XKR9: variants seen among roughly 807,000 people sequenced by gnomAD.
XKR9 encodes XK related 9.
In XKR9, 32 loss-of-function variants were observed where a neutral mutation model predicts 32.0. That is an observed-to-expected ratio of 1.00 (90% CI 0.76 to 1.34). XKR9 has a LOEUF of 1.34. XKR9 is among the 40% of genes most tolerant of loss of function. The probability of loss-of-function intolerance (pLI) is 0.00; values close to 1 mark genes in which losing one functional copy is unlikely to be tolerated. For missense variants in XKR9, 546 were observed against 429.7 expected, an observed-to-expected ratio of 1.27 and a Z score of -2.39; for synonymous variants, 168 against 143.4, an observed-to-expected ratio of 1.17 and a Z score of -1.22.
At chr8:70,679,832 G>A (rs566309553) in intron 2 of XKR9, among the ~76,000 whole-genome samples, 2 of 152,024 alleles carry the variant, frequency 1.3e-5, no homozygotes, top group East Asian at 3.8e-4. Context: ...AAATTGGGGC[G>A]TTTTATATAC....
At chr8:71,026,391 C>T in the XKR9 span, among the ~76,000 whole-genome samples, 1 of 152,118 alleles carries the variant, frequency 6.6e-6, no homozygotes, top group Non-Finnish European at 1.5e-5. Context: ...ACAAAATTAT[C>T]GAGCATCTAC....
the XKR9 span, among the ~76,000 whole-genome samples, chr8:70,876,606 A>G: frequency 1.2e-4 from 18 of 152,314 alleles, no homozygotes; most frequent in African/African-American, 4.1e-4. Flanking sequence ...AAAAGAAATA[A>G]ATCCATAACT....
chr8:70,755,958 A>C (rs1206296931), intron 2 of XKR9, among the ~76,000 whole-genome samples: 1 of 152,182 alleles, frequency 6.6e-6, no homozygotes, highest in Non-Finnish European at 1.5e-5. Context: ...AAAAGGTCAT[A>C]AAGATTTGCT....
the XKR9 span, among the ~76,000 whole-genome samples, chr8:70,882,638 G>A: frequency 1.3e-4 from 19 of 151,978 alleles, no homozygotes; most frequent in Non-Finnish European, 5.9e-5. Flanking sequence ...GGAAAACTGC[G>A]TAGAAGGTAC....
At chr8:70,771,213 C>T (rs1055010686) in intron 2 of XKR9, among the ~76,000 whole-genome samples, 1 of 152,190 alleles carries the variant, frequency 6.6e-6, no homozygotes, top group Non-Finnish European at 1.5e-5. Flanking sequence ...ACACCCCACC[C>T]TGCTTCAGCT....
At chr8:70,800,492 G>A in the XKR9 span, among the ~76,000 whole-genome samples, 2 of 151,844 alleles carry the variant, frequency 1.3e-5, no homozygotes, top group Non-Finnish European at 2.9e-5. Context: ...ATCTGCTATG[G>A]GCATTTATTT....
chr8:70,863,171 G>C, the XKR9 span, among the ~76,000 whole-genome samples: 1 of 152,150 alleles, frequency 6.6e-6, no homozygotes, highest in Non-Finnish European at 1.5e-5. Context: ...GATGTTGAGA[G>C]AATCTCAGGC....
chr8:70,903,101 T>A, the XKR9 span, among the ~76,000 whole-genome samples: 1 of 152,158 alleles, frequency 6.6e-6, no homozygotes, highest in Non-Finnish European at 1.5e-5. Flanking sequence ...TAAAATTCTT[T>A]TTTTTTTGTT....
In XKR9 at chr8:70,772,882, T is replaced by G. The variant is rs138065966; in HGVS notation, n.353-16457T>G. On this transcript the variant is annotated intron_variant and non_coding_transcript_variant, in intron 2 of 3. Coordinates refer to the XKR9 transcript ENST00000520273. ...AAAGGGGAGTGTTTGGTATAAAAGT[T>G]TATAGAGTTTTAATGGCAAGGATAA... 3.8e-3 allele frequency among the ~76,000 whole-genome samples: 578 copies of G among 152,248 alleles called. 3 individuals carry two copies. Among genetic ancestry groups the G allele is most frequent in the Non-Finnish European group, 6.6e-3 (447 of 68,000 alleles).
the XKR9 span, among the ~76,000 whole-genome samples, chr8:70,844,926 G>T: frequency 6.6e-6 from 1 of 152,164 alleles, no homozygotes; most frequent in African/African-American, 2.4e-5. Context: ...CTACCTACCT[G>T]CCCTATGGCT....
At chr8:70,986,447 C>T in the XKR9 span, among the ~76,000 whole-genome samples, 79,064 of 152,018 alleles carry the variant, frequency 0.52, 21,582 homozygotes, top group Middle Eastern at 0.61. Context: ...CTTCTGTGTA[C>T]TAGATGTGTT....
chr8:70,879,346 T>TA, the XKR9 span, among the ~76,000 whole-genome samples: 513 of 151,436 alleles, frequency 3.4e-3, 1 homozygote, highest in African/African-American at 0.011. Flanking sequence ...AAAATCCCTT[T>TA]AAAAAAAACA....
chr8:70,708,506 G>A (rs201408445), intron 4 of XKR9, among the ~76,000 whole-genome samples: 1 of 152,118 alleles, frequency 6.6e-6, no homozygotes, highest in Non-Finnish European at 1.5e-5. Context: ...GGAACATTAT[G>A]TAGCCACTAG....
downstream of XKR9, among the ~76,000 whole-genome samples, chr8:70,740,201 G>A (rs898303425): frequency 2.8e-4 from 43 of 151,854 alleles, no homozygotes; most frequent in East Asian, 5.8e-4. Flanking sequence ...TTCCCTTCTC[G>A]CTTCATTTCA....
the XKR9 span, among the ~76,000 whole-genome samples, chr8:70,875,645 C>T: frequency 6.6e-6 from 1 of 152,226 alleles, no homozygotes; most frequent in South Asian, 2.1e-4. Flanking sequence ...AACAATAGAA[C>T]AGGATGAAAG....
the XKR9 span, among the ~76,000 whole-genome samples, chr8:70,825,667 A>G: frequency 6.6e-6 from 1 of 152,146 alleles, no homozygotes; most frequent in African/African-American, 2.4e-5. Context: ...ACTTGAGGCC[A>G]GTCACTTCTA....
Position 70,709,058 on chromosome 8 carries a change from A to G in XKR9, c.493+1905A>G, listed in dbSNP as rs182047386. Among the ~76,000 whole-genome samples, 451 of 152,286 alleles carry G rather than the reference A, an allele frequency of 3.0e-3. 1 individual carries two copies. Among genetic ancestry groups the G allele is most frequent in the African/African-American group, 0.01 (429 of 41,578 alleles). ...GCACAAAAATCCTCAACAAAATACT[A>G]TCAAATGAAATCCAGCAGCACATCA... On this transcript the variant is annotated intron_variant, in intron 4 of 4. Coordinates refer to ENST00000408926, the MANE Select transcript of XKR9 (RefSeq NM_001011720.2).
the XKR9 span, among the ~76,000 whole-genome samples, chr8:71,033,317 G>A: frequency 1.3e-5 from 2 of 152,130 alleles, no homozygotes; most frequent in African/African-American, 4.8e-5. Flanking sequence ...ATATTACCTT[G>A]TAGGGCAGCT....
chr8:70,768,910 G>A (rs1339077885), intron 2 of XKR9, among the ~76,000 whole-genome samples: 1 of 151,884 alleles, frequency 6.6e-6, no homozygotes. Flanking sequence ...TTTTAATTGG[G>A]GCATTTAGCC....
Sources: gnomAD v4.1 joint callset for allele counts (sites outside exome capture counted in the v4.1 genomes callset) on GRCh38, gnomAD v4.1.1 for gene constraint, MANE v1.5 for transcripts, NCBI Gene and HGNC (gene_info 2026-07-23, HGNC 2026-07-21) for gene names.